Variants in CARMIL1 observed in about 807,000 individuals in gnomAD.
CARMIL1 encodes the protein capping protein regulator and myosin 1 linker 1, also known as F-actin-uncapping protein LRRC16A.
Under a neutral mutation model 177.1 loss-of-function variants are expected in CARMIL1, and 90 were observed. The observed-to-expected ratio is 0.51, with a 90% CI of 0.43 to 0.61. The LOEUF is 0.61. CARMIL1 is among the 20% of genes least tolerant of loss of function. The pLI, the probability that CARMIL1 is intolerant of heterozygous loss-of-function variation, is 0.00. For missense variants in CARMIL1, 1,380 were observed against 1,667.0 expected, an observed-to-expected ratio of 0.83 and a Z score of 3.00; for synonymous variants, 577 against 606.2, an observed-to-expected ratio of 0.95 and a Z score of 0.71.
At chr6:25,533,305 G>A (rs1436742821) in intron 24 of CARMIL1, among the ~76,000 whole-genome samples, 1 of 152,110 alleles carries the variant, frequency 6.6e-6, no homozygotes, top group African/African-American at 2.4e-5. Context: ...GAATATTATG[G>A]TTAAGAACTT....
chr6:25,549,587 C>T (rs1373987209), intron 26 of CARMIL1, among the ~76,000 whole-genome samples: 1 of 152,178 alleles, frequency 6.6e-6, no homozygotes, highest in Admixed American at 6.5e-5. Context: ...ACGGCTGCCT[C>T]CCTCCTCTCT....
chr6:25,487,677 T>G (rs542330385), intron 12 of CARMIL1, among the ~76,000 whole-genome samples: 2 of 152,276 alleles, frequency 1.3e-5, no homozygotes, highest in South Asian at 4.1e-4. Flanking sequence ...CATTTTATAA[T>G]GACACACCTC....
intron 26 of CARMIL1, among the ~76,000 whole-genome samples, chr6:25,544,701 G>A (rs1211990744): frequency 6.6e-6 from 1 of 151,608 alleles, no homozygotes. Flanking sequence ...AAAAAATGTA[G>A]TCTGAGCTAC....
intron 8 of CARMIL1, among the ~76,000 whole-genome samples, chr6:25,460,116 G>A (rs1294718088): frequency 6.6e-6 from 1 of 152,204 alleles, no homozygotes; most frequent in African/African-American, 2.4e-5. Flanking sequence ...ACACGAGGAA[G>A]GATCTGTCCT....
intron 2 of CARMIL1, among the ~76,000 whole-genome samples, chr6:25,383,878 G>A (rs567365030): frequency 7.2e-5 from 11 of 151,948 alleles, no homozygotes; most frequent in African/African-American, 2.2e-4. Context: ...TCGCTCTGTC[G>A]CCCAGGCTAG....
At chr6:25,422,040 A>G (rs1395021940) in intron 3 of CARMIL1, among the ~76,000 whole-genome samples, 2 of 152,118 alleles carry the variant, frequency 1.3e-5, no homozygotes, top group Non-Finnish European at 2.9e-5. Context: ...ATAAAATAAT[A>G]AAAAAGAAAA....
chr6:25,470,625 G>T (rs1801009808), intron 9 of CARMIL1, among the ~76,000 whole-genome samples: 1 of 152,126 alleles, frequency 6.6e-6, no homozygotes, highest in South Asian at 2.1e-4. Flanking sequence ...TAAATAACAG[G>T]TTTATTTTCC....
intron 2 of CARMIL1, among the ~76,000 whole-genome samples, chr6:25,352,823 C>A (rs1175111289): frequency 6.6e-6 from 1 of 152,164 alleles, no homozygotes; most frequent in Non-Finnish European, 1.5e-5. Context: ...CTTGTTATAT[C>A]CAAATCAGTC....
intron 36 of CARMIL1, among the ~76,000 whole-genome samples, chr6:25,611,155 A>C (rs1252072384): frequency 6.6e-6 from 1 of 152,200 alleles, no homozygotes; most frequent in Non-Finnish European, 1.5e-5. Flanking sequence ...TGGAAATCTA[A>C]TAAAAACAAT....
At chr6:25,336,439 G>T (rs1359572047) in intron 2 of CARMIL1, among the ~76,000 whole-genome samples, 1 of 152,232 alleles carries the variant, frequency 6.6e-6, no homozygotes, top group Non-Finnish European at 1.5e-5. Context: ...TGGTAGCGAA[G>T]AGTGTGGGCT....
chr6:25,510,688 C>A lies in CARMIL1; in HGVS notation c.1578-20C>A. On this transcript the variant is annotated intron_variant, in intron 19 of 36. Coordinates refer to ENST00000329474, the MANE Select transcript of CARMIL1 (RefSeq NM_017640.6). Reference sequence around the variant, plus strand: ...GCTTTTGATTTGATTCCACTGTCCACATCTCTAAAATCTCTTTAGAAATCT... The same window carrying A: ...GCTTTTGATTTGATTCCACTGTCCAAATCTCTAAAATCTCTTTAGAAATCT... 6.5e-7 allele frequency: 1 copy of A among 1,531,972 alleles called. No individual in the cohort carries two copies. Among genetic ancestry groups the A allele is most frequent in the Non-Finnish European group, 8.9e-7 (1 of 1,128,962 alleles). The allele number at this position is 1,531,972 out of a possible 1,614,324, so 94.9% of individuals were successfully genotyped here. A position where few individuals can be genotyped will look rare whatever the true frequency, so the allele number is the denominator to read the frequency against.
intron 24 of CARMIL1, among the ~76,000 whole-genome samples, chr6:25,529,384 A>G (rs188296918): frequency 1.3e-4 from 20 of 152,326 alleles, no homozygotes; most frequent in African/African-American, 4.8e-4. Context: ...TTTTTCTCTT[A>G]TACTGCATTC....
chr6:25,452,310 C>G, intron 8 of CARMIL1: 1 of 730,602 alleles, frequency 1.4e-6, no homozygotes, highest in Admixed American at 1.9e-5. Context: ...CAAGATGTTT[C>G]CTGTGTAGCT....
Position 25,515,908 on chromosome 6 carries a change from G to T in CARMIL1, c.1805+61G>T. On this transcript the variant is annotated intron_variant, in intron 21 of 36. Transcript: ENST00000329474. This position sits in a 1 kb window ranked among gnomAD's most constrained non-coding sequence, Gnocchi z 5.0. ...GCTTGGAGCAGATTCCGAACAGCAA[G>T]CATTGCAGAGCTGCTGGGCCCGAGG... The T allele has an allele frequency of 1.3e-6, 2 of 1,490,758 alleles. No homozygotes were observed. The highest frequency in any genetic ancestry group is 2.7e-5 in the South Asian group (2 of 73,512). The allele number at this position is 1,490,758 out of a possible 1,614,324, so 92.3% of individuals were successfully genotyped here.
intron 2 of CARMIL1, among the ~76,000 whole-genome samples, chr6:25,418,565 T>A (rs1581872906): frequency 1.4e-5 from 2 of 144,818 alleles, no homozygotes; most frequent in Non-Finnish European, 3.1e-5. Context: ...AAAAAAAAGA[T>A]AAATTCCTCA....
intron 4 of CARMIL1, among the ~76,000 whole-genome samples, chr6:25,432,110 C>CT (rs1359439497): frequency 6.6e-6 from 1 of 152,168 alleles, no homozygotes; most frequent in Non-Finnish European, 1.5e-5. Flanking sequence ...AGTTACAGTT[C>CT]TATACATCCG....
intron 8 of CARMIL1, chr6:25,452,105 A>T (rs754242711): frequency 1.3e-6 from 1 of 763,882 alleles, no homozygotes; most frequent in South Asian, 1.3e-5. Context: ...GCCAGGGAAA[A>T]AGTATACTAG....
At chr6:25,562,246 CTT>C (rs1201652881) in intron 29 of CARMIL1, among the ~76,000 whole-genome samples, 5 of 142,562 alleles carry the variant, frequency 3.5e-5, no homozygotes, top group Admixed American at 7.0e-5. Flanking sequence ...ACCCAGATAT[CTT>C]TTTTTTTTTT....
chr6:25,383,870 G>A (rs775624896), intron 2 of CARMIL1, among the ~76,000 whole-genome samples: 1 of 151,924 alleles, frequency 6.6e-6, no homozygotes, highest in Admixed American at 6.6e-5. Context: ...GTGGAGTCTC[G>A]CTCTGTCGCC....
Sources: gnomAD v4.1 joint callset for allele counts (sites outside exome capture counted in the v4.1 genomes callset) on GRCh38, gnomAD v4.1.1 for gene constraint, Gnocchi (gnomAD v3.1) non-coding constraint, MANE v1.5 for transcripts, NCBI Gene and HGNC (gene_info 2026-07-23, HGNC 2026-07-21) for gene names.